Variants in KTN1 observed in about 807,000 individuals in gnomAD.
The protein encoded by KTN1 is kinectin 1.
KTN1 carries 130 observed loss-of-function variants against 222.5 expected under a neutral mutation model. The observed-to-expected ratio is 0.58, with a 90% confidence interval of 0.51 to 0.68. KTN1 has a LOEUF of 0.68. Among genes scored for constraint, KTN1 ranks in the 30% least tolerant of loss-of-function variants. The pLI is 0.00. For synonymous variants in KTN1, 512 were observed against 496.3 expected, an observed-to-expected ratio of 1.03 and a Z score of -0.42; for missense variants, 1,508 against 1,500.4, an observed-to-expected ratio of 1.01 and a Z score of -0.08.
Position 55,672,721 on chromosome 14 carries a change from T to C in KTN1, c.3603+20T>C, listed in dbSNP as rs775965421. On this transcript the variant is annotated intron_variant, in intron 38 of 43. Coordinates refer to ENST00000395314, the MANE Select transcript of KTN1 (RefSeq NM_001079521.2). ...GAAAATGTATGTTATTTGATTGTTT[T>C]ACTTGTAACCTATGGATTTGTTTTT... 6 of 1,486,726 alleles carry C rather than the reference T, an allele frequency of 4.0e-6. No homozygotes were observed. Among genetic ancestry groups the C allele is most frequent in the Non-Finnish European group, 5.6e-6 (6 of 1,065,762 alleles). The allele number at this position is 1,486,726 out of a possible 1,614,324, so 92.1% of individuals were successfully genotyped here.
intron 13 of KTN1, 48 bp from the exon 14 acceptor site, chr14:55,639,865 G>T: frequency 8.4e-7 from 1 of 1,185,384 alleles, no homozygotes; most frequent in South Asian, 1.3e-5. Flanking sequence ...CTTTTGATTT[G>T]TGACTTCTGA....
At chr14:55,648,310 G>T (rs1211793176) in intron 20 of KTN1, among the ~76,000 whole-genome samples, 195 bp downstream of exon 20, 2 of 152,082 alleles carry the variant, frequency 1.3e-5, no homozygotes, top group Non-Finnish European at 2.9e-5. Flanking sequence ...CCTTAATGAG[G>T]TAGATACTAT....
intron 5 of KTN1, among the ~76,000 whole-genome samples, chr14:55,626,866 CT>C (rs35566825): frequency 6.7e-6 from 1 of 150,170 alleles, no homozygotes; most frequent in Admixed American, 6.6e-5. Flanking sequence ...TTATCTGCAA[CT>C]TTTTTTTTCT....
chr14:55,648,596 TAATTG>T (rs2141087114), intron 20 of KTN1, among the ~76,000 whole-genome samples: 1 of 152,326 alleles, frequency 6.6e-6, no homozygotes, highest in Non-Finnish European at 1.5e-5. Flanking sequence ...TATGTGGATG[TAATTG>T]AATTAAAAAT....
intron 1 of KTN1, among the ~76,000 whole-genome samples, chr14:55,582,991 A>C (rs2032080942): frequency 6.6e-6 from 1 of 152,192 alleles, no homozygotes; most frequent in Non-Finnish European, 1.5e-5. Context: ...TTCCTCTTTC[A>C]GTTCCTGTGA....
At chr14:55,625,395 T>G (rs1457793615) in intron 5 of KTN1, among the ~76,000 whole-genome samples, 3 of 152,234 alleles carry the variant, frequency 2.0e-5, no homozygotes, top group Non-Finnish European at 4.4e-5. Context: ...ATTAACAATT[T>G]GGGCCCCATG....
At position 55,637,160 on chromosome 14, in the gene KTN1, A is replaced by G. The variant is rs778169414; in HGVS notation, c.1550-38A>G. Reference sequence around the variant, plus strand: ...AAGATGAGTATGAGTAACTAGGCAAAGAAAGAGACCTCTGTAAAATGTAAT... The same window carrying G: ...AAGATGAGTATGAGTAACTAGGCAAGGAAAGAGACCTCTGTAAAATGTAAT... On this transcript the variant is annotated intron_variant, in intron 10 of 43. Coordinates refer to ENST00000395314, the MANE Select transcript of KTN1 (RefSeq NM_001079521.2). 8.1e-6 allele frequency: 12 copies of G among 1,490,008 alleles called. No homozygotes were observed. In the East Asian group the frequency reaches 9.3e-5, roughly 12 times the overall value. 92.3% of individuals were successfully genotyped at this position (1,490,008 alleles called of 1,614,324 possible).
chr14:55,652,393 CTTTTTTTTTTT>C (rs769501863), intron 25 of KTN1, among the ~76,000 whole-genome samples: 3 of 117,426 alleles, frequency 2.6e-5, no homozygotes, highest in Admixed American at 1.9e-4. Flanking sequence ...TCTTAAATGC[CTTTTTTTTTTT>C]TTTTTTTTTT....
In KTN1 at chr14:55,630,368, A is replaced by G. The variant is rs185057569; in HGVS notation, c.1221+271A>G. Among the ~76,000 whole-genome samples the G allele has an allele frequency of 1.2e-3, 176 of 152,292 alleles. 1 individual carries two copies. Among genetic ancestry groups the G allele is most frequent in the Non-Finnish European group, 1.7e-3 (118 of 68,026 alleles). ...GGAAGAAAAGGATTTGATAGGGAAG[A>G]CTTTTTAGAAGTGATATGCAGACTG... On this transcript the variant is annotated intron_variant, in intron 7 of 43. Transcript: ENST00000395314.
chr14:55,629,855 G>C, intron 6 of KTN1, 102 bp from the exon 7 acceptor site: 3 of 809,834 alleles, frequency 3.7e-6, no homozygotes, highest in Non-Finnish European at 4.0e-6. Context: ...TATCATTCAT[G>C]ATTATTTTAC....
chr14:55,626,159 A>G (rs2039793152), intron 5 of KTN1, among the ~76,000 whole-genome samples: 1 of 152,100 alleles, frequency 6.6e-6, no homozygotes, highest in South Asian at 2.1e-4. Flanking sequence ...TCAGTTAAAT[A>G]CATATGGGCT....
rs987928853 is a variant in KTN1, at chr14:55,610,114, TA to T, written c.-30-1899del. Among the ~76,000 whole-genome samples the T allele has an allele frequency of 8.5e-5, 13 of 152,322 alleles. 1 individual carries two copies. The highest frequency in any genetic ancestry group is 2.4e-4 in the African/African-American group (10 of 41,558). On this transcript the variant is annotated intron_variant, in intron 1 of 43. Coordinates refer to ENST00000395314, the MANE Select transcript of KTN1 (RefSeq NM_001079521.2). ...AAATCTAGGGTATAACTAATACTAT[TA>T]AAAAATTGCTTATGGAAGTATGAAA...
intron 24 of KTN1, chr14:55,651,283 A>G: frequency 2.2e-6 from 1 of 456,044 alleles, no homozygotes. Context: ...CTTTTCTAAT[A>G]TAGATTGAGA....
chr14:55,591,837 A>G (rs947777686), intron 1 of KTN1, among the ~76,000 whole-genome samples: 14 of 152,018 alleles, frequency 9.2e-5, no homozygotes, highest in Admixed American at 7.2e-4. Context: ...CGGCCACCCA[A>G]AATGCTGTGA....
intron 1 of KTN1, among the ~76,000 whole-genome samples, chr14:55,587,463 T>G (rs1267387278): frequency 1.3e-5 from 2 of 152,170 alleles, no homozygotes; most frequent in Non-Finnish European, 2.9e-5. Flanking sequence ...TCTAATTACC[T>G]TTTGAAATAA....
intron 8 of KTN1, 56 bp downstream of exon 8, chr14:55,633,397 A>G: frequency 9.6e-7 from 1 of 1,042,068 alleles, no homozygotes; most frequent in East Asian, 2.9e-5. Flanking sequence ...TTCTTGAATC[A>G]TCAAAATATT....
chr14:55,608,885 C>G (rs919274219), intron 1 of KTN1, among the ~76,000 whole-genome samples: 2 of 152,094 alleles, frequency 1.3e-5, no homozygotes, highest in South Asian at 2.1e-4. Flanking sequence ...CTGCCTCGGC[C>G]TCCCAAAGTG....
intron 29 of KTN1, among the ~76,000 whole-genome samples, chr14:55,656,862 CAT>C (rs768361824): frequency 9.9e-5 from 15 of 152,272 alleles, no homozygotes; most frequent in Non-Finnish European, 1.8e-4. Context: ...TATCCTTGCA[CAT>C]GTTTTGAATA....
At chr14:55,590,957 A>G in intron 1 of KTN1, among the ~76,000 whole-genome samples, 1 of 152,198 alleles carries the variant, frequency 6.6e-6, no homozygotes, top group East Asian at 1.9e-4. Flanking sequence ...TACAGGCATG[A>G]GCCACCATGC....
Sources: allele counts gnomAD v4.1 joint callset (sites outside exome capture counted in the v4.1 genomes callset), GRCh38; gene constraint gnomAD v4.1.1; transcripts MANE v1.5; gene names NCBI Gene and HGNC (gene_info 2026-07-23, HGNC 2026-07-21).